The following KLRG1 variants were observed in gnomAD, a reference collection of about 807,000 sequenced individuals.
KLRG1 encodes the protein killer cell lectin-like receptor subfamily G member 1.
A neutral mutation model predicts 21.8 loss-of-function variants in KLRG1; 16 were observed. That is an observed-to-expected ratio of 0.73 (90% CI 0.50 to 1.11). The LOEUF is 1.11. KLRG1 is among the 50% of genes most tolerant of loss of function. The pLI, the probability that KLRG1 is intolerant of heterozygous loss-of-function variation, is 0.00. For missense variants in KLRG1, 173 were observed against 218.3 expected, an observed-to-expected ratio of 0.79 and a Z score of 1.31; for synonymous variants, 69 against 75.9, an observed-to-expected ratio of 0.91 and a Z score of 0.47.
intron 3 of KLRG1, among the ~76,000 whole-genome samples, chr12:9,005,207 G>A (rs1229026167): frequency 1.3e-5 from 2 of 151,778 alleles, no homozygotes; most frequent in Non-Finnish European, 2.9e-5. Flanking sequence ...CTGTCGGGGG[G>A]TGGGGGGCAA....
chr12:9,158,287 C>A, the KLRG1 span: 1 of 1,333,108 alleles, frequency 7.5e-7, no homozygotes, highest in Non-Finnish European at 1.0e-6. Flanking sequence ...AAGTGTAATA[C>A]TCTTTCCCTG....
At chr12:9,109,941 T>C in the KLRG1 span, 3 of 1,614,038 alleles carry the variant, frequency 1.9e-6, no homozygotes, top group Non-Finnish European at 1.7e-6. Flanking sequence ...GTAGGAGCCC[T>C]GGAAGGGCTC....
the KLRG1 span, among the ~76,000 whole-genome samples, chr12:9,098,087 G>A: frequency 6.6e-6 from 1 of 152,164 alleles, no homozygotes; most frequent in African/African-American, 2.4e-5. Context: ...TAAGGACTTT[G>A]GGTACTGTAT....
chr12:9,066,383 A>T, the KLRG1 span: 1 of 152,384 alleles, frequency 6.6e-6, no homozygotes, highest in African/African-American at 2.4e-5. Flanking sequence ...TCCAGGGGGA[A>T]GCTGTTTGTT....
At chr12:8,999,450 A>G (rs1947241343) in intron 3 of KLRG1, among the ~76,000 whole-genome samples, 3 of 152,148 alleles carry the variant, frequency 2.0e-5, no homozygotes, top group Admixed American at 2.0e-4. Context: ...CTCTCATTCA[A>G]CTTTACCTAT....
At chr12:9,141,455 G>T in the KLRG1 span, among the ~76,000 whole-genome samples, 1 of 152,012 alleles carries the variant, frequency 6.6e-6, no homozygotes, top group Non-Finnish European at 1.5e-5. Flanking sequence ...TATAATTTTT[G>T]TTAAAGAGCA....
At chr12:9,100,424 G>T in the KLRG1 span, among the ~76,000 whole-genome samples, 5 of 151,370 alleles carry the variant, frequency 3.3e-5, no homozygotes, top group South Asian at 6.3e-4. Flanking sequence ...TTCCCCCTTT[G>T]TTCTTATTTA....
At chr12:9,169,051 C>A in the KLRG1 span, 1 of 1,040,224 alleles carries the variant, frequency 9.6e-7, no homozygotes, top group Non-Finnish European at 1.5e-6. Flanking sequence ...AGAGACTTCT[C>A]TATGTAATTC....
At chr12:9,173,943 T>C in the KLRG1 span, among the ~76,000 whole-genome samples, 2 of 152,064 alleles carry the variant, frequency 1.3e-5, no homozygotes, top group African/African-American at 4.8e-5. Context: ...ATTCCAAAAA[T>C]TGAAAAGGAG....
At chr12:9,185,631 A>G in the KLRG1 span, among the ~76,000 whole-genome samples, 43 of 149,796 alleles carry the variant, frequency 2.9e-4, no homozygotes, top group Admixed American at 2.6e-3. Context: ...ACACACAATC[A>G]TCAGATTCAC....
chr12:9,010,127 A>T lies in KLRG1; in HGVS notation c.*590A>T. ...CTTGAGCCCAGGAGTTTGAGGCTGC[A>T]GTGAGCTATGATTGTGCCACTGTAC... is the stretch of plus-strand genomic sequence containing the variant. On this transcript the variant is annotated 3_prime_UTR_variant, in exon 5 of 5. Transcript: ENST00000356986. The T allele has an allele frequency of 1.1e-6, 1 of 877,398 alleles. No individual in the cohort carries two copies. Among genetic ancestry groups the T allele is most frequent in the Non-Finnish European group, 1.8e-6 (1 of 556,876 alleles). The allele number at this position is 877,398 out of a possible 1,614,324, so 54.4% of individuals were successfully genotyped here.
chr12:9,108,127 T>C, the KLRG1 span, among the ~76,000 whole-genome samples: 1 of 151,410 alleles, frequency 6.6e-6, no homozygotes, highest in Non-Finnish European at 1.5e-5. Context: ...TATTTTATTT[T>C]ATTTTATTTT....
chr12:8,953,981 G>A (rs138044024), intron 1 of KLRG1, among the ~76,000 whole-genome samples: 1,537 of 152,276 alleles, frequency 0.01, 24 homozygotes, highest in African/African-American at 0.034. Context: ...TGATGAGGCC[G>A]AGAAGTTGCG....
At chr12:8,978,306 C>T (rs1436547090) in intron 1 of KLRG1, among the ~76,000 whole-genome samples, 1 of 151,898 alleles carries the variant, frequency 6.6e-6, no homozygotes, top group Non-Finnish European at 1.5e-5. Context: ...TTTGTTTATC[C>T]AGAAAAAAGT....
At chr12:8,980,592 C>G (rs1187362997) in intron 1 of KLRG1, among the ~76,000 whole-genome samples, 1 of 152,162 alleles carries the variant, frequency 6.6e-6, no homozygotes. Context: ...ACTTGTGGGG[C>G]ACATATGGGC....
At chr12:9,152,289 A>G in the KLRG1 span, 10 of 1,613,486 alleles carry the variant, frequency 6.2e-6, no homozygotes, top group East Asian at 8.9e-5. Context: ...CCATATTGGA[A>G]GCAGGACGGT....
the KLRG1 span, among the ~76,000 whole-genome samples, chr12:9,035,722 C>T: frequency 6.6e-6 from 1 of 152,140 alleles, no homozygotes; most frequent in East Asian, 1.9e-4. Flanking sequence ...GCACTATTCA[C>T]AATGGCAGAG....
rs185283708 is a variant in KLRG1, at chr12:8,977,243, G to T, written c.-155-14963G>T. On this transcript the variant is annotated intron_variant, in intron 1 of 4. Coordinates refer to the KLRG1 transcript ENST00000539240. ...TTTTGAGACGGAGTCTGGCTCTGCC[G>T]CCCAGGCTGGAGTGCAGTGGCGTGA... 6.0e-5 allele frequency among the ~76,000 whole-genome samples: 9 copies of T among 149,872 alleles called. No individual in the cohort carries two copies. The South Asian group carries it at 1.9e-3, about 31-fold the overall frequency.
chr12:9,149,577 G>C, the KLRG1 span: 2 of 1,612,822 alleles, frequency 1.2e-6, no homozygotes, highest in African/African-American at 2.7e-5. Flanking sequence ...TGCAGGGGGC[G>C]ATATACTCAG....
Sources: gnomAD v4.1 joint callset for allele counts (sites outside exome capture counted in the v4.1 genomes callset) on GRCh38, gnomAD v4.1.1 for gene constraint, MANE v1.5 for transcripts, NCBI Gene and HGNC (gene_info 2026-07-23, HGNC 2026-07-21) for gene names.